LAMA3: variants seen among roughly 807,000 people sequenced by gnomAD.
LAMA3 encodes laminin subunit alpha 3.
A neutral mutation model predicts 402.0 loss-of-function variants in LAMA3; 281 were observed. That is an observed-to-expected ratio of 0.70 (90% confidence interval 0.63 to 0.77). LAMA3 has a LOEUF of 0.77. Among genes scored for constraint, LAMA3 ranks in the 30% least tolerant of loss-of-function variants. LAMA3 has a pLI of 0.00. For missense variants in LAMA3, 3,840 were observed against 4,215.5 expected (o/e 0.91, Z 2.47); for synonymous variants, 1,431 against 1,558.4 (o/e 0.92, Z 1.93).
intron 62 of LAMA3, among the ~76,000 whole-genome samples, chr18:23,925,693 C>G (rs1036751587): frequency 6.6e-6 from 1 of 152,226 alleles, no homozygotes; most frequent in African/African-American, 2.4e-5. Flanking sequence ...AATCACATTC[C>G]TCTAGCAAGT....
intron 11 of LAMA3, among the ~76,000 whole-genome samples, chr18:23,783,154 G>A (rs1362427048): frequency 6.6e-6 from 1 of 152,078 alleles, no homozygotes; most frequent in Non-Finnish European, 1.5e-5. Context: ...AGGCCAGACT[G>A]GTCCCTCCCA....
chr18:23,748,800 A>AG (rs1472483876), intron 3 of LAMA3, among the ~76,000 whole-genome samples: 2 of 152,054 alleles, frequency 1.3e-5, no homozygotes, highest in African/African-American at 4.8e-5. Flanking sequence ...ATCTTGGAAA[A>AG]AAAAAAAAAA....
rs775469061 is a variant in LAMA3 at position 23,909,196 on chromosome 18, T to C, written c.7059T>C (p.Ile2353=). 2 of 1,614,090 alleles carry C rather than the reference T, an allele frequency of 1.2e-6. No homozygotes were observed. Among genetic ancestry groups the C allele is most frequent in the South Asian group, 2.2e-5 (2 of 91,082 alleles). The change falls in exon 55 of 75, where the codon ATT becomes ATC. Residue 2353 remains isoleucine, a synonymous_variant. Coordinates refer to ENST00000313654, the MANE Select transcript of LAMA3 (RefSeq NM_198129.4). The part of the protein sequence containing the change: ...TNKLPDLWRK[I]ESINQQLLPL... ...AACTACCTGATCTTTGGCGCAAGAT[T>C]GAAAGTATCAACCAACAGCTGTTGC...
In LAMA3 at chr18:23,815,678, G is replaced by A; in HGVS notation, c.2047+105G>A. 3 of 817,718 alleles carry A rather than the reference G, an allele frequency of 3.7e-6. No individual in the cohort carries two copies. In the South Asian group the frequency reaches 4.3e-5, roughly 12 times the overall value. The allele number at this position is 817,718 out of a possible 1,614,324, so 50.7% of individuals were successfully genotyped here. A position where few individuals can be genotyped will look rare whatever the true frequency, so the allele number is the denominator to read the frequency against. On this transcript the variant is annotated intron_variant, in intron 17 of 74. Transcript: ENST00000313654. ...GTCATCTTCACGCAGACTTTCTGAT[G>A]GAATGGCCCTGAAACATTCTGTCCA... is the stretch of plus-strand genomic sequence containing the variant.
At chr18:23,730,144 T>C (rs942964641) in intron 2 of LAMA3, among the ~76,000 whole-genome samples, 4 of 152,202 alleles carry the variant, frequency 2.6e-5, no homozygotes, top group African/African-American at 7.2e-5. Context: ...ACTAGAAGCA[T>C]AGGGGCAAAT....
rs2061041276 is a variant in LAMA3, at chr18:23,713,845, T to C, written c.295-75T>C. 5 of 1,393,456 alleles carry C rather than the reference T, an allele frequency of 3.6e-6. No individual in the cohort carries two copies. The Admixed American group carries it at 5.5e-5, about 15-fold the overall frequency. 86.3% of individuals were successfully genotyped at this position (1,393,456 alleles called of 1,614,324 possible). On this transcript the variant is annotated intron_variant, in intron 1 of 74. Transcript: ENST00000313654. ...TGTTTGGTTCCCTGTATTTGCTATA[T>C]GGATAAGAAAAAATTACTTGAAAGT...
chr18:23,740,512 G>A (rs1035750084), intron 2 of LAMA3, among the ~76,000 whole-genome samples: 1 of 151,898 alleles, frequency 6.6e-6, no homozygotes, highest in Non-Finnish European at 1.5e-5. Context: ...TATTTCTCAG[G>A]CTCCTGTGGT....
chr18:23,720,244 CTT>C (rs2061185538), intron 2 of LAMA3, among the ~76,000 whole-genome samples: 1 of 152,132 alleles, frequency 6.6e-6, no homozygotes, highest in South Asian at 2.1e-4. Flanking sequence ...ATTTATGACA[CTT>C]GAGTCTCTCT....
intron 1 of LAMA3, among the ~76,000 whole-genome samples, chr18:23,693,199 C>T (rs573363452): frequency 6.6e-6 from 1 of 152,166 alleles, no homozygotes; most frequent in South Asian, 2.1e-4. Context: ...CAGAAATTAG[C>T]CGGGCGTGGT....
intron 42 of LAMA3, among the ~76,000 whole-genome samples, chr18:23,892,732 G>T (rs2080720315): frequency 6.6e-6 from 1 of 151,922 alleles, no homozygotes; most frequent in African/African-American, 2.4e-5. Context: ...GGGAAACCCT[G>T]TCTCTACTAA....
At chr18:23,916,780 C>G in intron 60 of LAMA3, 85 bp downstream of exon 60, 5 of 1,310,506 alleles carry the variant, frequency 3.8e-6, no homozygotes, top group Non-Finnish European at 5.5e-6. Flanking sequence ...TATAAATGAC[C>G]CACTAGATCT....
Position 23,916,602 on chromosome 18 carries a change from A to T in LAMA3, c.7830A>T (p.Arg2610=). The T allele has an allele frequency of 6.2e-7, 1 of 1,614,148 alleles. No individual in the cohort carries two copies. The highest frequency in any genetic ancestry group is 8.5e-7 in the Non-Finnish European group (1 of 1,179,972). Residue 2610 remains arginine (R), a synonymous_variant, in exon 60 of 75, where the codon CGA becomes CGT. Transcript: ENST00000313654. ...KNYFEGTGYA[R]VPTQPHAPIP... ...ATTTTGAAGGTACGGGCTATGCTCG[A>T]GTTCCAACTCAACCACATGCTCCCA...
intron 1 of LAMA3, among the ~76,000 whole-genome samples, chr18:23,707,959 C>T (rs2060921131): frequency 6.6e-6 from 1 of 152,150 alleles, no homozygotes; most frequent in African/African-American, 2.4e-5. Context: ...GTAGTCAACG[C>T]TTTTTGTATC....
chr18:23,922,084 G>A (rs964608473), intron 62 of LAMA3, among the ~76,000 whole-genome samples: 11 of 152,212 alleles, frequency 7.2e-5, no homozygotes, highest in African/African-American at 2.7e-4. Flanking sequence ...ACTGTTTCTT[G>A]GATGAGTGAA....
At chr18:23,771,495 T>C (rs904413492) in intron 8 of LAMA3, among the ~76,000 whole-genome samples, 1 of 152,244 alleles carries the variant, frequency 6.6e-6, no homozygotes, top group Non-Finnish European at 1.5e-5. Flanking sequence ...ATTTCACAGA[T>C]GTATGCATTT....
intron 2 of LAMA3, among the ~76,000 whole-genome samples, chr18:23,725,363 G>A (rs950090271): frequency 5.3e-5 from 8 of 152,116 alleles, no homozygotes; most frequent in South Asian, 2.1e-4. Context: ...CACCTGCCTC[G>A]GCTTCCCAAA....
chr18:23,907,247 A>G (rs2081281653), intron 52 of LAMA3, among the ~76,000 whole-genome samples: 1 of 152,234 alleles, frequency 6.6e-6, no homozygotes, highest in South Asian at 2.1e-4. Flanking sequence ...ATCTTTTACT[A>G]AACAGAGTCT....
intron 2 of LAMA3, among the ~76,000 whole-genome samples, chr18:23,729,871 A>G (rs1007129460): frequency 6.6e-6 from 1 of 152,154 alleles, no homozygotes; most frequent in Non-Finnish European, 1.5e-5. Flanking sequence ...GTGTGATGGC[A>G]ATGTACGTGA....
chr18:23,807,490 C>A (rs112006006), intron 12 of LAMA3, among the ~76,000 whole-genome samples: 1 of 149,304 alleles, frequency 6.7e-6, no homozygotes, highest in African/African-American at 2.5e-5. Context: ...GTGTGTGTGT[C>A]TGTGTGTGTA....
Sources: gnomAD v4.1 joint callset for allele counts (sites outside exome capture counted in the v4.1 genomes callset) on GRCh38, gnomAD v4.1.1 for gene constraint, MANE v1.5 for transcripts, NCBI Gene and HGNC (gene_info 2026-07-23, HGNC 2026-07-21) for gene names.